ARPP21: variants seen among roughly 807,000 people sequenced by gnomAD.
The protein encoded by ARPP21 is cAMP-regulated phosphoprotein 21.
In ARPP21, 69 loss-of-function variants were observed where a neutral mutation model predicts 113.2. The ratio of observed to expected loss-of-function variants is 0.61; its 90% CI spans 0.50 to 0.74. The LOEUF (loss-of-function observed/expected upper bound fraction) is 0.74, where lower values mean the gene tolerates loss of function less well. Ranked by LOEUF, ARPP21 falls within the 30% of genes least tolerant of loss-of-function variation. The probability of loss-of-function intolerance (pLI) is 0.00; values close to 1 mark genes in which losing one functional copy is unlikely to be tolerated. For missense variants in ARPP21, 1,070 were observed against 1,037.4 expected (o/e 1.03, Z -0.43); for synonymous variants, 368 against 375.5 (o/e 0.98, Z 0.23).
chr3:35,761,787 C>G (rs1334137396), intron 19 of ARPP21, among the ~76,000 whole-genome samples: 1 of 152,044 alleles, frequency 6.6e-6, no homozygotes, highest in Non-Finnish European at 1.5e-5. Context: ...GAGCTTATGT[C>G]ATAAGTTTTG....
At chr3:35,741,534 C>T (rs561154063) in intron 18 of ARPP21, among the ~76,000 whole-genome samples, 5 of 152,216 alleles carry the variant, frequency 3.3e-5, no homozygotes, top group Non-Finnish European at 7.3e-5. Context: ...TCGATTTCAT[C>T]TGACTCATCA....
chr3:35,707,514 G>A (rs1378832455), intron 10 of ARPP21: 1 of 459,202 alleles, frequency 2.2e-6, no homozygotes, highest in African/African-American at 2.0e-5. Flanking sequence ...ATCAACCGGT[G>A]TAGCTGTAAA....
At chr3:35,787,424 A>G (rs1028354346) in intron 19 of ARPP21, among the ~76,000 whole-genome samples, 21 of 152,238 alleles carry the variant, frequency 1.4e-4, no homozygotes, top group African/African-American at 4.8e-4. Flanking sequence ...GAGGAAAGCC[A>G]TTATTTGAAA....
chr3:35,667,914 G>GGAAGAGGAAGAGGA (rs1559548381), intron 1 of ARPP21, among the ~76,000 whole-genome samples: 4 of 42,570 alleles, frequency 9.4e-5, no homozygotes, highest in African/African-American at 3.6e-4. Context: ...GAAGAGGAAG[G>GGAAGAGGAAGAGGA]AGGAGGAGGA....
chr3:35,714,433 T>A (rs2092016774), intron 11 of ARPP21, among the ~76,000 whole-genome samples: 2 of 152,228 alleles, frequency 1.3e-5, no homozygotes, highest in African/African-American at 4.8e-5. Flanking sequence ...TTATTATTAC[T>A]TCTTTAGTTT....
At chr3:35,721,869 A>AT in intron 14 of ARPP21, 35 bp downstream of exon 14, 1 of 1,398,948 alleles carries the variant, frequency 7.1e-7, no homozygotes, top group Non-Finnish European at 9.7e-7. Context: ...GTCCTGTGGT[A>AT]TTTTTTGGAT....
At chr3:35,786,646 G>C (rs932872833) in intron 19 of ARPP21, among the ~76,000 whole-genome samples, 2 of 151,930 alleles carry the variant, frequency 1.3e-5, no homozygotes, top group African/African-American at 4.8e-5. Flanking sequence ...GACAAACCAA[G>C]TGGTTTGTCA....
chr3:35,639,766 C>A lies in ARPP21; in HGVS notation c.-845C>A, dbSNP rs1447878236. 1 of 153,022 alleles carries A rather than the reference C, an allele frequency of 6.5e-6. No homozygotes were observed. The highest frequency in any genetic ancestry group is 1.5e-5 in the Non-Finnish European group (1 of 68,698). 9.5% of individuals were successfully genotyped at this position (153,022 alleles called of 1,614,324 possible). A position where few individuals can be genotyped will look rare whatever the true frequency, so the allele number is the denominator to read the frequency against. Reference sequence around the variant, plus strand: ...GCCCTCCTCTTACCGAGCGAAGCGGCCAGGGGCACAGAGTGGGAGAGGACT... The same window carrying A: ...GCCCTCCTCTTACCGAGCGAAGCGGACAGGGGCACAGAGTGGGAGAGGACT... On this transcript the variant is annotated 5_prime_UTR_variant, in exon 1 of 21. Transcript: ENST00000684406. This position sits in a 1 kb window ranked among gnomAD's most constrained non-coding sequence, Gnocchi z 5.0.
chr3:35,789,361 A>C (rs1320700877), intron 19 of ARPP21, among the ~76,000 whole-genome samples: 1 of 152,334 alleles, frequency 6.6e-6, no homozygotes, highest in East Asian at 1.9e-4. Context: ...CCTGTCTTAA[A>C]GACCATTCTG....
At chr3:35,724,812 A>G (rs1414366313) in intron 14 of ARPP21, among the ~76,000 whole-genome samples, 1 of 152,078 alleles carries the variant, frequency 6.6e-6, no homozygotes, top group Non-Finnish European at 1.5e-5. Context: ...TTACTGCACT[A>G]ACACATCGTG....
intron 9 of ARPP21, among the ~76,000 whole-genome samples, chr3:35,699,079 C>T (rs148366391): frequency 6.7e-4 from 102 of 151,630 alleles, no homozygotes; most frequent in African/African-American, 2.0e-3. Flanking sequence ...CAATTTTGAT[C>T]AAGACTGTGT....
upstream of ARPP21, chr3:35,639,025 G>C (rs6772748): frequency 0.82 from 125,099 of 152,268 alleles, 51,861 homozygotes; most frequent in African/African-American, 0.93. This position sits in a 1 kb window ranked among gnomAD's most constrained non-coding sequence, Gnocchi z 5.0. Flanking sequence ...GGGCGCCCCC[G>C]AGACGGGTAC....
Position 35,748,052 on chromosome 3 carries a change from A to AG in ARPP21, c.2137+4087_2137+4088insG, listed in dbSNP as rs1340630853. Among the ~76,000 whole-genome samples, 60 of 138,012 alleles carry AG rather than the reference A, an allele frequency of 4.3e-4. 1 individual carries two copies. The highest frequency in any genetic ancestry group is 1.7e-3 in the African/African-American group (59 of 34,858). 90.5% of individuals were successfully genotyped at this position (138,012 alleles called of 152,430 possible). ...GAAAGAGAAAGGAGAGAGAGAAAGA[A>AG]AAGGAAGAAGGAAGGAAGAAAGAAA... On this transcript the variant is annotated intron_variant, in intron 19 of 20. Coordinates refer to ENST00000684406, the MANE Select transcript of ARPP21 (RefSeq NM_001385562.1).
chr3:35,699,900 G>C (rs1390406243), intron 9 of ARPP21, among the ~76,000 whole-genome samples: 2 of 151,652 alleles, frequency 1.3e-5, no homozygotes, highest in Admixed American at 6.6e-5. Flanking sequence ...AGAAAAATAT[G>C]ACTGCCATAT....
chr3:35,775,780 C>T (rs2096345332), intron 19 of ARPP21, among the ~76,000 whole-genome samples: 1 of 152,054 alleles, frequency 6.6e-6, no homozygotes, highest in South Asian at 2.1e-4. Context: ...ATTTATATCT[C>T]ATTTCCTTTT....
intron 19 of ARPP21, among the ~76,000 whole-genome samples, chr3:35,777,351 C>T (rs1180624693): frequency 6.6e-6 from 1 of 152,114 alleles, no homozygotes. Context: ...TTAACTTGCT[C>T]CCAGTTAATA....
intron 19 of ARPP21, among the ~76,000 whole-genome samples, chr3:35,771,485 T>C (rs1459939928): frequency 2.0e-5 from 3 of 152,044 alleles, no homozygotes; most frequent in African/African-American, 4.8e-5. Context: ...CCCATCATCA[T>C]GCCTGGCTAA....
At position 35,729,379 on chromosome 3, in the gene ARPP21, A is replaced by G; in HGVS notation, c.1302A>G (p.Leu434=). The G allele has an allele frequency of 2.5e-6, 4 of 1,614,080 alleles. No individual in the cohort carries two copies. Among genetic ancestry groups the G allele is most frequent in the Non-Finnish European group, 3.4e-6 (4 of 1,180,006 alleles). The change falls in exon 15 of 21, where the codon CTA becomes CTG. Residue 434 remains leucine, a synonymous_variant. Coordinates refer to ENST00000684406, the MANE Select transcript of ARPP21 (RefSeq NM_001385562.1). The stretch of plus-strand genomic sequence containing the variant: ...ATCCACCTCTCCAGAGCACACCCCT[A>G]GTCTCAGGTGTGGCAGCTGGCTCTC... ...RTHPPLQSTP[L]VSGVAAGSPG...
At chr3:35,744,107 T>A in intron 19 of ARPP21, 142 bp downstream of exon 19, 1 of 848,952 alleles carries the variant, frequency 1.2e-6, no homozygotes, top group Non-Finnish European at 1.9e-6. Context: ...AGCATTTGAT[T>A]GACTCTGTGT....
Sources: allele counts gnomAD v4.1 joint callset (sites outside exome capture counted in the v4.1 genomes callset), GRCh38; gene constraint gnomAD v4.1.1; non-coding constraint Gnocchi (gnomAD v3.1); transcripts MANE v1.5; gene names NCBI Gene and HGNC (gene_info 2026-07-23, HGNC 2026-07-21).